Variants in ANO4 observed in about 807,000 individuals in gnomAD.
ANO4 encodes the protein anoctamin-4.
ANO4 carries 69 observed loss-of-function variants against 141.9 expected under a neutral mutation model. That is an observed-to-expected ratio of 0.49 (90% CI 0.40 to 0.59). The LOEUF is 0.59. ANO4 is among the 20% of genes least tolerant of loss of function. The pLI is 0.00. For synonymous variants in ANO4, 350 were observed against 394.3 expected, an observed-to-expected ratio of 0.89 and a Z score of 1.33; for missense variants, 894 against 1,162.2, an observed-to-expected ratio of 0.77 and a Z score of 3.36.
At chr12:101,068,936 A>C in intron 14 of ANO4, 1 of 802,082 alleles carries the variant, frequency 1.2e-6, no homozygotes. Flanking sequence ...GAAGCTGCTA[A>C]GGATCTCTTA....
At chr12:100,841,643 G>A (rs2037255420) in intron 1 of ANO4, among the ~76,000 whole-genome samples, 1 of 152,184 alleles carries the variant, frequency 6.6e-6, no homozygotes, top group Non-Finnish European at 1.5e-5. Flanking sequence ...GTGAACGGTA[G>A]TCCAGGCAGA....
At position 100,860,235 on chromosome 12, in the gene ANO4, A is replaced by G. The variant is rs75920779; in HGVS notation, c.-140-41411A>G. On this transcript the variant is annotated intron_variant, in intron 1 of 27. Coordinates refer to ENST00000392977, the MANE Select transcript of ANO4 (RefSeq NM_001286615.2). ...CGTGACCACCTTTCCACTGGACATT[A>G]TAATTAGGGGGAAATTCTGATGCTA... Among the ~76,000 whole-genome samples, 1,370 of 152,288 alleles carry G rather than the reference A, an allele frequency of 9.0e-3. 11 individuals carry two copies. Among genetic ancestry groups the G allele is most frequent in the Non-Finnish European group, 0.013 (865 of 68,016 alleles).
At chr12:100,765,537 C>G (rs1256476605) in intron 3 of ANO4, among the ~76,000 whole-genome samples, 3 of 151,544 alleles carry the variant, frequency 2.0e-5, no homozygotes, top group South Asian at 2.1e-4. Flanking sequence ...GGCTACTATG[C>G]CTGGCTAATA....
chr12:100,996,359 T>C (rs916689984), intron 8 of ANO4, among the ~76,000 whole-genome samples: 1 of 152,170 alleles, frequency 6.6e-6, no homozygotes, highest in African/African-American at 2.4e-5. Flanking sequence ...AATGGAAATG[T>C]TGGTGCTGGG....
chr12:101,060,415 G>A (rs1026681914), intron 14 of ANO4, among the ~76,000 whole-genome samples: 2 of 152,210 alleles, frequency 1.3e-5, no homozygotes, highest in African/African-American at 4.8e-5. Flanking sequence ...CCAGAGCAGA[G>A]TTCAAGTTCT....
chr12:100,805,885 G>A (rs1485614666), intron 1 of ANO4, among the ~76,000 whole-genome samples: 1 of 152,116 alleles, frequency 6.6e-6, no homozygotes, highest in East Asian at 1.9e-4. Context: ...GGAGGACCAT[G>A]TGGCCACAAG....
intron 15 of ANO4, among the ~76,000 whole-genome samples, chr12:101,081,974 C>T (rs1003612416): frequency 2.6e-5 from 4 of 152,166 alleles, no homozygotes; most frequent in Non-Finnish European, 5.9e-5. Context: ...CACATATGGT[C>T]ACATTCAGTA....
At chr12:100,788,260 A>G (rs1385081154) in intron 3 of ANO4, among the ~76,000 whole-genome samples, 1 of 152,182 alleles carries the variant, frequency 6.6e-6, no homozygotes, top group Non-Finnish European at 1.5e-5. Flanking sequence ...CCCAGGATAG[A>G]CTTGGACCAG....
At chr12:100,808,885 A>G (rs891793754) in intron 1 of ANO4, among the ~76,000 whole-genome samples, 1 of 152,214 alleles carries the variant, frequency 6.6e-6, no homozygotes, top group Admixed American at 6.5e-5. Flanking sequence ...TTTCACACCC[A>G]CAAATTCAAA....
chr12:100,888,301 C>T (rs1378828408), intron 1 of ANO4, among the ~76,000 whole-genome samples: 1 of 152,050 alleles, frequency 6.6e-6, no homozygotes, highest in African/African-American at 2.4e-5. Context: ...ATCAGAATTC[C>T]AACAAACAAA....
intron 8 of ANO4, among the ~76,000 whole-genome samples, chr12:100,988,948 T>G (rs1592939720): frequency 7.1e-6 from 1 of 141,406 alleles, no homozygotes; most frequent in African/African-American, 2.7e-5. Context: ...TTGCAGGGAG[T>G]GCCAGGTGGG....
chr12:100,838,130 T>C (rs972276068), intron 1 of ANO4, among the ~76,000 whole-genome samples: 4 of 146,086 alleles, frequency 2.7e-5, no homozygotes, highest in Non-Finnish European at 5.9e-5. Context: ...GTGGTGAAGG[T>C]GCGAAGATAC....
At chr12:100,800,066 TTA>T (rs1329247867) in intron 1 of ANO4, among the ~76,000 whole-genome samples, 1 of 152,162 alleles carries the variant, frequency 6.6e-6, no homozygotes, top group African/African-American at 2.4e-5. Flanking sequence ...AAGCAAATGT[TTA>T]TGGTAATTTG....
At chr12:100,986,042 G>A (rs184217870) in intron 7 of ANO4, among the ~76,000 whole-genome samples, 14 of 152,176 alleles carry the variant, frequency 9.2e-5, no homozygotes, top group African/African-American at 2.6e-4. Context: ...AGTGCAGGTG[G>A]GTGCCATCCA....
intron 1 of ANO4, chr12:100,852,485 T>C (rs1307766038): frequency 1.3e-5 from 2 of 152,190 alleles, no homozygotes; most frequent in Non-Finnish European, 2.9e-5. Context: ...GTTGACAAGA[T>C]TGATGCTTTC....
chr12:101,110,598 A>T, intron 23 of ANO4, 42 bp downstream of exon 23: 1 of 1,446,212 alleles, frequency 6.9e-7, no homozygotes, highest in African/African-American at 1.4e-5. Context: ...CATATTAAAC[A>T]TCTGGTGGAT....
At chr12:100,900,247 C>A (rs1250959245) in intron 1 of ANO4, among the ~76,000 whole-genome samples, 1 of 151,722 alleles carries the variant, frequency 6.6e-6, no homozygotes, top group Non-Finnish European at 1.5e-5. Context: ...CTACTTCCTT[C>A]TCTCTCTCTC....
At chr12:101,091,580 C>T (rs1229270458) in intron 17 of ANO4, among the ~76,000 whole-genome samples, 1 of 152,182 alleles carries the variant, frequency 6.6e-6, no homozygotes, top group African/African-American at 2.4e-5. Flanking sequence ...TCTGAAATTA[C>T]TCAATGTGAG....
intron 8 of ANO4, among the ~76,000 whole-genome samples, chr12:100,995,159 G>A (rs1172760288): frequency 6.6e-6 from 1 of 152,082 alleles, no homozygotes; most frequent in African/African-American, 2.4e-5. Context: ...CATGGGGGTG[G>A]GGGTGCAGGT....
Sources: gnomAD v4.1 joint callset for allele counts (sites outside exome capture counted in the v4.1 genomes callset) on GRCh38, gnomAD v4.1.1 for gene constraint, MANE v1.5 for transcripts, NCBI Gene and HGNC (gene_info 2026-07-23, HGNC 2026-07-21) for gene names.